Variants in ASTN2 observed in about 807,000 individuals in gnomAD.
ASTN2 encodes astrotactin-2.
Under a neutral mutation model 139.8 loss-of-function variants are expected in ASTN2, and 54 were observed. That is an observed-to-expected ratio of 0.39 (90% CI 0.31 to 0.48). The LOEUF (loss-of-function observed/expected upper bound fraction) is 0.48, where lower values mean the gene tolerates loss of function less well. ASTN2 is among the 20% of genes least tolerant of loss of function. ASTN2 has a pLI of 0.95. For missense variants in ASTN2, 1,565 were observed against 1,725.1 expected, an observed-to-expected ratio of 0.91 and a Z score of 1.64; for synonymous variants, 756 against 719.5, an observed-to-expected ratio of 1.05 and a Z score of -0.81.
At chr9:117,170,306 A>G (rs1011164645) in intron 3 of ASTN2, among the ~76,000 whole-genome samples, 2 of 152,004 alleles carry the variant, frequency 1.3e-5, no homozygotes, top group African/African-American at 4.8e-5. Context: ...TCTGTTTCCC[A>G]TTGTGTGTCT....
At chr9:117,060,676 G>A (rs897777801) in intron 5 of ASTN2, among the ~76,000 whole-genome samples, 5 of 151,776 alleles carry the variant, frequency 3.3e-5, no homozygotes, top group African/African-American at 9.7e-5. Context: ...GGCGGATCAC[G>A]AGGTCAGGAG....
At chr9:117,246,100 A>G (rs1050861413) in intron 2 of ASTN2, among the ~76,000 whole-genome samples, 2 of 152,030 alleles carry the variant, frequency 1.3e-5, no homozygotes, top group African/African-American at 4.8e-5. Context: ...TGTTCTCCCC[A>G]TTTCACTGAA....
intron 13 of ASTN2, among the ~76,000 whole-genome samples, chr9:116,801,648 A>G (rs1830862862): frequency 6.6e-6 from 1 of 151,268 alleles, no homozygotes; most frequent in African/African-American, 2.4e-5. Flanking sequence ...AAAGAAAAAA[A>G]GGAAAAGATA....
At chr9:116,679,096 C>T (rs1378186330) in intron 16 of ASTN2, among the ~76,000 whole-genome samples, 1 of 152,126 alleles carries the variant, frequency 6.6e-6, no homozygotes, top group Non-Finnish European at 1.5e-5. Flanking sequence ...GCTAAGTCTC[C>T]TCTATCAGAG....
chr9:117,072,654 A>G (rs1214777178), intron 5 of ASTN2, among the ~76,000 whole-genome samples: 2 of 152,196 alleles, frequency 1.3e-5, no homozygotes, highest in Non-Finnish European at 2.9e-5. Flanking sequence ...GGATCTATGA[A>G]TTGGAATCCA....
At position 117,104,704 on chromosome 9, in the gene ASTN2, C is replaced by G. The variant is rs530530708; in HGVS notation, c.1169-8553G>C. Among the ~76,000 whole-genome samples, 164 of 152,228 alleles carry G rather than the reference C, an allele frequency of 1.1e-3. 1 individual carries two copies. Among genetic ancestry groups the G allele is most frequent in the African/African-American group, 3.9e-3 (161 of 41,542 alleles). On this transcript the variant is annotated intron_variant, in intron 4 of 22. Coordinates refer to ENST00000313400, the MANE Select transcript of ASTN2 (RefSeq NM_001365068.1). Reference sequence around the variant, plus strand: ...CTCTGGATGATAAGATTTAGGTGTGCTTTAAAACATTTCTTATTGTTGCTC... The same window carrying G: ...CTCTGGATGATAAGATTTAGGTGTGGTTTAAAACATTTCTTATTGTTGCTC...
intron 1 of ASTN2, among the ~76,000 whole-genome samples, chr9:117,403,937 G>A (rs578256500): frequency 6.6e-6 from 1 of 152,130 alleles, no homozygotes; most frequent in African/African-American, 2.4e-5. Flanking sequence ...GAGGTGGAGA[G>A]AGGAGGCATA....
At chr9:116,914,667 G>A (rs1349345794) in intron 10 of ASTN2, among the ~76,000 whole-genome samples, 4 of 151,740 alleles carry the variant, frequency 2.6e-5, no homozygotes, top group Non-Finnish European at 5.9e-5. Context: ...GGCTCAGATA[G>A]GGAAGAGGAT....
At chr9:117,114,103 G>A (rs911906693) in intron 4 of ASTN2, among the ~76,000 whole-genome samples, 36 of 151,440 alleles carry the variant, frequency 2.4e-4, no homozygotes, top group African/African-American at 8.5e-4. Context: ...ATGAGGTACA[G>A]AACATTTTCA....
At chr9:116,647,319 A>G (rs2131912578) in intron 17 of ASTN2, among the ~76,000 whole-genome samples, 1 of 152,334 alleles carries the variant, frequency 6.6e-6, no homozygotes, top group South Asian at 2.1e-4. Context: ...ACGCAGTCTT[A>G]GCATACAGTG....
intron 13 of ASTN2, among the ~76,000 whole-genome samples, chr9:116,779,156 C>T (rs1390441827): frequency 1.3e-5 from 2 of 152,138 alleles, no homozygotes; most frequent in East Asian, 3.9e-4. Flanking sequence ...GTCCCCAAAA[C>T]TCATGTGTTG....
chr9:116,772,297 T>G (rs1194071599), intron 13 of ASTN2, among the ~76,000 whole-genome samples: 1 of 152,120 alleles, frequency 6.6e-6, no homozygotes, highest in Admixed American at 6.6e-5. Context: ...GTTCTTGTGA[T>G]AGTGAGTAAG....
chr9:117,202,757 GC>G (rs1831769168), intron 3 of ASTN2, among the ~76,000 whole-genome samples: 1 of 152,212 alleles, frequency 6.6e-6, no homozygotes, highest in South Asian at 2.1e-4. Context: ...CTCTCTGGCT[GC>G]CCTTAACAGT....
chr9:117,280,827 G>C (rs1235183151), intron 2 of ASTN2, among the ~76,000 whole-genome samples: 1 of 151,984 alleles, frequency 6.6e-6, no homozygotes, highest in South Asian at 2.1e-4. Flanking sequence ...AAATGTCTTG[G>C]GGGGAGACAC....
chr9:117,200,227 C>A (rs1831659581), intron 3 of ASTN2, among the ~76,000 whole-genome samples: 1 of 137,380 alleles, frequency 7.3e-6, no homozygotes, highest in Non-Finnish European at 1.6e-5. Context: ...GCTATCCCTC[C>A]CCCCTCCCCC....
intron 10 of ASTN2, among the ~76,000 whole-genome samples, chr9:116,894,090 G>A (rs1267183709): frequency 6.6e-6 from 1 of 152,150 alleles, no homozygotes; most frequent in Non-Finnish European, 1.5e-5. Context: ...AGCCTTCTTA[G>A]TGTCCTGCCC....
intron 1 of ASTN2, among the ~76,000 whole-genome samples, chr9:117,398,669 A>T (rs1017765429): frequency 6.6e-6 from 1 of 152,246 alleles, no homozygotes; most frequent in African/African-American, 2.4e-5. Context: ...CATTCCAGCA[A>T]ACTGTTTGTC....
At chr9:117,243,201 TG>T (rs1833267394) in intron 2 of ASTN2, among the ~76,000 whole-genome samples, 1 of 152,252 alleles carries the variant, frequency 6.6e-6, no homozygotes, top group Non-Finnish European at 1.5e-5. Context: ...AGTGATACTA[TG>T]TTGTCTAACT....
chr9:116,778,843 G>A (rs1384149056), intron 13 of ASTN2, among the ~76,000 whole-genome samples: 3 of 152,140 alleles, frequency 2.0e-5, no homozygotes, highest in African/African-American at 7.2e-5. Context: ...AACAGAGGGG[G>A]CCCGAATCTA....
Sources: allele counts gnomAD v4.1 joint callset (sites outside exome capture counted in the v4.1 genomes callset), GRCh38; gene constraint gnomAD v4.1.1; transcripts MANE v1.5; gene names NCBI Gene and HGNC (gene_info 2026-07-23, HGNC 2026-07-21).